SLC22A24: variants seen among roughly 807,000 people sequenced by gnomAD.
SLC22A24 encodes steroid transmembrane transporter SLC22A24.
SLC22A24 carries 53 observed loss-of-function variants against 49.8 expected under a neutral mutation model. That is an observed-to-expected ratio of 1.06 (90% CI 0.85 to 1.34). The LOEUF is 1.34. SLC22A24 is among the 40% of genes most tolerant of loss of function. The pLI is 0.00. For missense variants in SLC22A24, 786 were observed against 675.9 expected (o/e 1.16, Z -1.81); for synonymous variants, 302 against 256.4 (o/e 1.18, Z -1.70).
chr11:63,131,698 G>T (rs1174353478), intron 2 of SLC22A24, among the ~76,000 whole-genome samples: 1 of 152,068 alleles, frequency 6.6e-6, no homozygotes, highest in East Asian at 1.9e-4. Context: ...TTCATCTCTG[G>T]CTGCCCTTAA....
intron 2 of SLC22A24, among the ~76,000 whole-genome samples, chr11:63,134,229 T>G (rs755262651): frequency 7.9e-5 from 12 of 152,104 alleles, no homozygotes; most frequent in Non-Finnish European, 1.2e-4. Context: ...GCCTCAATAA[T>G]TTCTCTCACA....
chr11:63,123,525 T>C (rs765721668), intron 2 of SLC22A24, among the ~76,000 whole-genome samples: 1 of 152,206 alleles, frequency 6.6e-6, no homozygotes, highest in Non-Finnish European at 1.5e-5. Context: ...TATATACAAC[T>C]GTCTACCTGA....
chr11:63,114,283 A>G (rs1388101835), intron 4 of SLC22A24, among the ~76,000 whole-genome samples: 2 of 152,082 alleles, frequency 1.3e-5, no homozygotes, highest in Non-Finnish European at 2.9e-5. Context: ...TTTTTTCTCT[A>G]AACTTGCCCT....
intron 4 of SLC22A24, among the ~76,000 whole-genome samples, chr11:63,106,756 A>G (rs1260510856): frequency 6.6e-6 from 1 of 151,902 alleles, no homozygotes; most frequent in Non-Finnish European, 1.5e-5. Context: ...CATATCCTTC[A>G]CCCACTTTTT....
chr11:63,139,003 T>C (rs542528855), intron 1 of SLC22A24, among the ~76,000 whole-genome samples: 1 of 152,186 alleles, frequency 6.6e-6, no homozygotes, highest in Non-Finnish European at 1.5e-5. Context: ...GCTGCTTGGG[T>C]AATAAGAGAT....
rs2087051246 is a variant in SLC22A24 at position 63,095,920 on chromosome 11, A to G, written c.1070+71T>C. On this transcript the variant is annotated intron_variant, in intron 6 of 9. Coordinates refer to ENST00000612278, the MANE Select transcript of SLC22A24 (RefSeq NM_001136506.2). ...TAAATGTCCTCCAAATGCTGCTGCT[A>G]ATCTTTTGAAAGAAGAAACAGTTTT... 8 of 1,119,732 alleles carry G rather than the reference A, an allele frequency of 7.1e-6. No individual in the cohort carries two copies. The South Asian group carries it at 8.4e-5, about 12-fold the overall frequency. The allele number at this position is 1,119,732 out of a possible 1,614,324, so 69.4% of individuals were successfully genotyped here.
At chr11:63,086,908 A>G (rs2086989891) in intron 6 of SLC22A24, among the ~76,000 whole-genome samples, 3 of 152,092 alleles carry the variant, frequency 2.0e-5, no homozygotes, top group Non-Finnish European at 4.4e-5. Context: ...AAAATATGGG[A>G]TGTAGGTTTG....
intron 5 of SLC22A24, among the ~76,000 whole-genome samples, chr11:63,097,677 T>C (rs1403285822): frequency 1.3e-5 from 2 of 152,148 alleles, no homozygotes; most frequent in Non-Finnish European, 2.9e-5. Context: ...TGTGCATCAA[T>C]GATAGACTGG....
At chr11:63,093,702 G>T (rs1201846730) in intron 6 of SLC22A24, among the ~76,000 whole-genome samples, 1 of 152,096 alleles carries the variant, frequency 6.6e-6, no homozygotes, top group Non-Finnish European at 1.5e-5. Context: ...AATTGGGGAA[G>T]GTGGGAGGAG....
chr11:63,127,162 T>C (rs553001129), intron 2 of SLC22A24, among the ~76,000 whole-genome samples: 82 of 152,254 alleles, frequency 5.4e-4, no homozygotes, highest in African/African-American at 1.8e-3. Context: ...TGGTATGTGA[T>C]GTTCCCCACC....
At chr11:63,082,820 T>A (rs551415079) in intron 7 of SLC22A24, among the ~76,000 whole-genome samples, 2 of 152,174 alleles carry the variant, frequency 1.3e-5, no homozygotes, top group Non-Finnish European at 2.9e-5. Flanking sequence ...TAGAGAGACC[T>A]CAAAAATTAG....
chr11:63,119,409 C>A, intron 2 of SLC22A24, 74 bp from the exon 3 acceptor site: 1 of 1,340,894 alleles, frequency 7.5e-7, no homozygotes, highest in Admixed American at 2.8e-5. Flanking sequence ...AACAATGGCG[C>A]ATCTTGAAAT....
In SLC22A24 at chr11:63,118,922, A is replaced by G. The variant is rs2087230954; in HGVS notation, c.820T>C (p.Leu274=). ...GGAGATTGTTCATACCAAGAGGACA[A>G]GAAGAGGACAATTATGGGTGTAGAC... is the stretch of plus-strand genomic sequence containing the variant. ...TVSTPIIVLF[L]SSWKMVESAR... The change falls in exon 4 of 10, where the codon TTG becomes CTG. Residue 274 remains leucine, a synonymous_variant. Transcript: ENST00000612278. The G allele has an allele frequency of 6.4e-7, 1 of 1,552,104 alleles. No individual in the cohort carries two copies.
chr11:63,113,476 T>C (rs1301967633), intron 4 of SLC22A24, among the ~76,000 whole-genome samples: 3 of 151,894 alleles, frequency 2.0e-5, no homozygotes, highest in African/African-American at 7.3e-5. Context: ...CAGAATTTGC[T>C]TGTCTGTAAA....
intron 6 of SLC22A24, among the ~76,000 whole-genome samples, chr11:63,093,244 G>A (rs1229367318): frequency 2.0e-5 from 3 of 152,096 alleles, no homozygotes; most frequent in African/African-American, 4.8e-5. Flanking sequence ...GTTTGTGGGA[G>A]TGTAAATTAG....
chr11:63,106,114 A>T (rs948958081), intron 4 of SLC22A24, among the ~76,000 whole-genome samples: 1 of 119,202 alleles, frequency 8.4e-6, no homozygotes, highest in African/African-American at 3.3e-5. Context: ...CCGGTGTGTG[A>T]TGTTCCCCTT....
intron 6 of SLC22A24, among the ~76,000 whole-genome samples, chr11:63,095,025 C>T (rs2087044766): frequency 6.6e-6 from 1 of 152,118 alleles, no homozygotes. Context: ...GTTGCCATTG[C>T]TTTTGGTGTT....
At chr11:63,124,361 T>G in intron 2 of SLC22A24, among the ~76,000 whole-genome samples, 1 of 152,108 alleles carries the variant, frequency 6.6e-6, no homozygotes, top group East Asian at 1.9e-4. Flanking sequence ...TGAGATAAAT[T>G]CGATGTATGG....
intron 2 of SLC22A24, among the ~76,000 whole-genome samples, chr11:63,126,362 C>T (rs2087290912): frequency 1.3e-5 from 2 of 152,142 alleles, no homozygotes; most frequent in African/African-American, 2.4e-5. Context: ...GGTCCAGTTT[C>T]AATTTTCTGC....
Sources: gnomAD v4.1 joint callset for allele counts (sites outside exome capture counted in the v4.1 genomes callset) on GRCh38, gnomAD v4.1.1 for gene constraint, MANE v1.5 for transcripts, NCBI Gene and HGNC (gene_info 2026-07-23, HGNC 2026-07-21) for gene names.